The following TGM2 variants were observed in gnomAD, a reference collection of about 807,000 sequenced individuals.
The protein encoded by TGM2 is transglutaminase 2.
A neutral mutation model predicts 75.6 loss-of-function variants in TGM2; 53 were observed. That is an observed-to-expected ratio of 0.70 (90% CI 0.56 to 0.88). TGM2 has a LOEUF of 0.88. Ranked by LOEUF, TGM2 falls within the 40% of genes least tolerant of loss-of-function variation. The pLI, the probability that TGM2 is intolerant of heterozygous loss-of-function variation, is 0.00. For synonymous variants in TGM2, 374 were observed against 381.1 expected (o/e 0.98, Z 0.22); for missense variants, 842 against 928.5 (o/e 0.91, Z 1.21).
chr20:38,166,966 C>G (rs1296399533), upstream of TGM2, among the ~76,000 whole-genome samples: 1 of 152,132 alleles, frequency 6.6e-6, no homozygotes, highest in African/African-American at 2.4e-5. Flanking sequence ...CTGCCCCTGA[C>G]CAGCTGTGTG....
upstream of TGM2, among the ~76,000 whole-genome samples, chr20:38,168,179 T>C (rs1353593448): frequency 2.0e-5 from 3 of 152,196 alleles, no homozygotes; most frequent in African/African-American, 7.2e-5. Flanking sequence ...GAGTGACGCA[T>C]GGCGTTGAGC....
rs2074804370 is a variant in TGM2, at chr20:38,129,819, C to T, written c.*400G>A. On this transcript the variant is annotated 3_prime_UTR_variant, in exon 13 of 13. Transcript: ENST00000361475. The stretch of plus-strand genomic sequence containing the variant: ...GATGCAGTCTAGGGAGCTGGATTCC[C>T]TGATCCAGCCAAGGGGCATGCTGTC... The T allele has an allele frequency of 4.4e-6, 1 of 227,216 alleles. No homozygotes were observed. Among genetic ancestry groups the T allele is most frequent in the Non-Finnish European group, 8.9e-6 (1 of 112,436 alleles). The allele number at this position is 227,216 out of a possible 1,614,324, so 14.1% of individuals were successfully genotyped here.
intron 10 of TGM2, chr20:38,133,038 T>G (rs1361084999): frequency 2.8e-6 from 1 of 357,022 alleles, no homozygotes; most frequent in African/African-American, 2.1e-5. Context: ...ACCACCCAAC[T>G]TACAGATGAG....
At chr20:38,153,811 C>A (rs1158304581) in intron 3 of TGM2, among the ~76,000 whole-genome samples, 1 of 151,894 alleles carries the variant, frequency 6.6e-6, no homozygotes, top group Non-Finnish European at 1.5e-5. Context: ...GTCTTGAAGC[C>A]CTCCCCTTCT....
At position 38,130,078 on chromosome 20, in the gene TGM2, A is replaced by T; in HGVS notation, c.*141T>A. The T allele has an allele frequency of 8.8e-7, 1 of 1,142,552 alleles. No individual in the cohort carries two copies. 70.8% of individuals were successfully genotyped at this position (1,142,552 alleles called of 1,614,324 possible). A position where few individuals can be genotyped will look rare whatever the true frequency, so the allele number is the denominator to read the frequency against. On this transcript the variant is annotated 3_prime_UTR_variant, in exon 13 of 13. Transcript: ENST00000361475. ...GGAGGCTGAGATGGGCCAGGGGCAC[A>T]TTCCATTTCCGAGAGCCCCCATAGG...
chr20:38,159,522 AAAAG>A (rs147642217), intron 2 of TGM2, among the ~76,000 whole-genome samples: 70,803 of 151,188 alleles, frequency 0.47, 19,004 homozygotes, highest in Non-Finnish European at 0.62. Flanking sequence ...AAAGTTTTAA[AAAAG>A]AAAGAAAGAA....
chr20:38,162,447 T>C (rs1486621717), intron 1 of TGM2, among the ~76,000 whole-genome samples: 1 of 152,208 alleles, frequency 6.6e-6, no homozygotes, highest in East Asian at 1.9e-4. Flanking sequence ...CAGGATGCAG[T>C]TGACAAACTT....
intron 5 of TGM2, 145 bp downstream of exon 5, chr20:38,147,816 T>C: frequency 8.3e-7 from 1 of 1,208,162 alleles, no homozygotes; most frequent in Non-Finnish European, 1.2e-6. Flanking sequence ...GCAAATCTTA[T>C]CTTTCCAATA....
rs1342159613 is a variant in TGM2, at chr20:38,128,421, C to T, written c.*1798G>A. The T allele has an allele frequency of 6.6e-6, 1 of 152,166 alleles. No homozygotes were observed. The highest frequency in any genetic ancestry group is 1.5e-5 in the Non-Finnish European group (1 of 68,058). The allele number at this position is 152,166 out of a possible 1,614,324, so 9.4% of individuals were successfully genotyped here. A position where few individuals can be genotyped will look rare whatever the true frequency, so the allele number is the denominator to read the frequency against. On this transcript the variant is annotated 3_prime_UTR_variant, in exon 13 of 13. Coordinates refer to ENST00000361475, the MANE Select transcript of TGM2 (RefSeq NM_004613.4). ...CCAGGTGTGAGCGAGCTCACCTACC[C>T]ATCTCCCTCCAAACTCATAAAGGAA...
intron 8 of TGM2, 151 bp from the exon 9 acceptor site, chr20:38,139,805 G>C: frequency 9.6e-7 from 1 of 1,037,964 alleles, no homozygotes; most frequent in Non-Finnish European, 1.4e-6. Flanking sequence ...GGGCACCACA[G>C]GGCAAGGGTT....
chr20:38,159,826 G>A (rs1314305225), intron 2 of TGM2, among the ~76,000 whole-genome samples: 1 of 152,224 alleles, frequency 6.6e-6, no homozygotes, highest in Non-Finnish European at 1.5e-5. Flanking sequence ...TCTAAGCTGC[G>A]AGGATTCAAG....
chr20:38,153,634 A>G (rs1311601329), intron 3 of TGM2, among the ~76,000 whole-genome samples: 1 of 152,100 alleles, frequency 6.6e-6, no homozygotes, highest in African/African-American at 2.4e-5. Context: ...AGGTTAATGT[A>G]TACAGTGGGA....
rs140859184 is a variant in TGM2 at position 38,161,523 on chromosome 20, C to T, written c.87G>A (p.Glu29=). The T allele has an allele frequency of 1.7e-5, 28 of 1,614,068 alleles. No homozygotes were observed. Among genetic ancestry groups the T allele is most frequent in the Non-Finnish European group, 2.4e-5 (28 of 1,180,040 alleles). Residue 29 remains glutamate (E), a synonymous_variant, in exon 2 of 13, where the codon GAG becomes GAA. Coordinates refer to ENST00000361475, the MANE Select transcript of TGM2 (RefSeq NM_004613.4). ...GCTGGCCCCGTCGCACCACCAGCTT[C>T]TCCCGGCACAGGTCGGCCGTGTGGT... ...RDHHTADLCR[E]KLVVRRGQPF...
At chr20:38,167,513 A>ATT (rs2122993101), upstream of TGM2, among the ~76,000 whole-genome samples, 1 of 152,072 alleles carries the variant, frequency 6.6e-6, no homozygotes, top group East Asian at 1.9e-4. Flanking sequence ...AATATTTCTA[A>ATT]TTTTTGTAGA....
intron 2 of TGM2, 87 bp from the exon 3 acceptor site, chr20:38,156,176 C>A: frequency 1.3e-6 from 2 of 1,506,400 alleles, no homozygotes; most frequent in South Asian, 2.4e-5. Context: ...AGCTTGGGCT[C>A]CAGGCCTAGT....
intron 3 of TGM2, among the ~76,000 whole-genome samples, chr20:38,153,972 A>G (rs2075150200): frequency 6.6e-6 from 1 of 152,158 alleles, no homozygotes; most frequent in South Asian, 2.1e-4. Context: ...GTGTGTCATC[A>G]CATCGGTCTA....
At chr20:38,161,352 G>T in intron 2 of TGM2, 68 bp downstream of exon 2, 1 of 1,580,080 alleles carries the variant, frequency 6.3e-7, no homozygotes, top group Non-Finnish European at 8.7e-7. Flanking sequence ...AGGGTTCTGG[G>T]GCATGTCGGG....
Position 38,153,496 on chromosome 20 carries a change from G to A in TGM2, c.433+2351C>T, listed in dbSNP as rs531719645. The stretch of plus-strand genomic sequence containing the variant: ...GGCGAGATTGCACCACTGCACTCCA[G>A]CCTGGGTGACAGAGAGAGCCTTGGT... On this transcript the variant is annotated intron_variant, in intron 3 of 12. Coordinates refer to ENST00000361475, the MANE Select transcript of TGM2 (RefSeq NM_004613.4). Among the ~76,000 whole-genome samples the A allele has an allele frequency of 3.9e-5, 5 of 126,604 alleles. No homozygotes were observed. In the East Asian group the frequency reaches 1.1e-3, roughly 28 times the overall value. 83.1% of individuals were successfully genotyped at this position (126,604 alleles called of 152,430 possible).
Position 38,140,900 on chromosome 20 carries a change from A to T in TGM2, c.1099+382T>A, listed in dbSNP as rs45445803. Among the ~76,000 whole-genome samples, 749 of 152,270 alleles carry T rather than the reference A, an allele frequency of 4.9e-3. 6 individuals are homozygous for T. The highest frequency in any genetic ancestry group is 0.017 in the African/African-American group (713 of 41,540). On this transcript the variant is annotated intron_variant, in intron 8 of 12. Transcript: ENST00000361475. ...TACTCTCTCTTTCAAACACACAGGT[A>T]CTACATATATATATGTGTGTTTATA...
Sources: allele counts gnomAD v4.1 joint callset (sites outside exome capture counted in the v4.1 genomes callset), GRCh38; gene constraint gnomAD v4.1.1; transcripts MANE v1.5; gene names NCBI Gene and HGNC (gene_info 2026-07-23, HGNC 2026-07-21).